Variants in DAB1 observed in about 807,000 individuals in gnomAD.
DAB1 encodes the protein disabled homolog 1.
Under a neutral mutation model 64.6 loss-of-function variants are expected in DAB1, and 15 were observed. That is an observed-to-expected ratio of 0.23 (90% CI 0.16 to 0.36). The LOEUF is 0.36. Among genes scored for constraint, DAB1 ranks in the 10% least tolerant of loss-of-function variants. The pLI is 1.00. For missense variants in DAB1, 596 were observed against 706.7 expected (o/e 0.84, Z 1.78); for synonymous variants, 235 against 251.9 (o/e 0.93, Z 0.64).
intron 6 of DAB1, among the ~76,000 whole-genome samples, chr1:57,722,559 G>A (rs1486376866): frequency 6.6e-6 from 1 of 152,206 alleles, no homozygotes; most frequent in Non-Finnish European, 1.5e-5. Context: ...AGGAATGTGA[G>A]AGTGAAGCCT....
intron 4 of DAB1, among the ~76,000 whole-genome samples, chr1:57,094,126 G>C (rs28527434): frequency 7.0e-6 from 1 of 142,558 alleles, no homozygotes; most frequent in Non-Finnish European, 1.5e-5. Flanking sequence ...AAAAAAAAAA[G>C]GAATCTTGGA....
chr1:57,336,640 T>A (rs985249376), intron 1 of DAB1, among the ~76,000 whole-genome samples: 1 of 152,176 alleles, frequency 6.6e-6, no homozygotes, highest in South Asian at 2.1e-4. Flanking sequence ...ATGCAGGATT[T>A]AAGTAATTTG....
chr1:57,859,899 A>G (rs1032269706), intron 1 of DAB1, among the ~76,000 whole-genome samples: 24 of 152,178 alleles, frequency 1.6e-4, no homozygotes, highest in African/African-American at 5.3e-4. Context: ...TAAACCTCTC[A>G]GTTTTGCTAA....
chr1:58,454,814 G>A (rs1267169858), intron 3 of DAB1, among the ~76,000 whole-genome samples: 1 of 152,078 alleles, frequency 6.6e-6, no homozygotes, highest in African/African-American at 2.4e-5. Flanking sequence ...TCCTTTCTCA[G>A]GAAAGAAAAT....
At chr1:57,082,486 GC>G (rs1652642940) in intron 4 of DAB1, among the ~76,000 whole-genome samples, 1 of 152,108 alleles carries the variant, frequency 6.6e-6, no homozygotes, top group South Asian at 2.1e-4. Context: ...ATACATATTA[GC>G]CAGTATCTTT....
At chr1:57,027,992 T>A (rs1318939675) in intron 9 of DAB1, among the ~76,000 whole-genome samples, 1 of 152,180 alleles carries the variant, frequency 6.6e-6, no homozygotes, top group East Asian at 1.9e-4. Flanking sequence ...GGGGAGGTTA[T>A]CCAATCTGTA....
chr1:58,198,577 C>T (rs1238319701), intron 4 of DAB1, among the ~76,000 whole-genome samples: 2 of 152,178 alleles, frequency 1.3e-5, no homozygotes, highest in Non-Finnish European at 2.9e-5. Flanking sequence ...ATTTTCCTCT[C>T]GTAACCAACC....
At chr1:57,334,606 A>T (rs1041957704) in intron 1 of DAB1, among the ~76,000 whole-genome samples, 2 of 152,246 alleles carry the variant, frequency 1.3e-5, no homozygotes, top group African/African-American at 4.8e-5. Flanking sequence ...CAACCCTGTG[A>T]GGAAGGCGCT....
intron 7 of DAB1, among the ~76,000 whole-genome samples, chr1:57,444,371 C>T (rs1174317572): frequency 2.0e-5 from 3 of 152,122 alleles, no homozygotes; most frequent in East Asian, 3.9e-4. Flanking sequence ...ACAGTTATGT[C>T]TTGGCTTAAT....
chr1:57,452,913 TAAAG>T (rs1237212459), intron 7 of DAB1, among the ~76,000 whole-genome samples: 1 of 104,522 alleles, frequency 9.6e-6, no homozygotes, highest in Non-Finnish European at 2.1e-5. Context: ...AAGGGAAAAA[TAAAG>T]AAAGGAATGA....
intron 4 of DAB1, among the ~76,000 whole-genome samples, chr1:58,226,085 C>G (rs1012793568): frequency 6.6e-6 from 1 of 152,004 alleles, no homozygotes; most frequent in Non-Finnish European, 1.5e-5. Flanking sequence ...GAGCCTGAAC[C>G]ACTCTGGGAT....
intron 1 of DAB1, chr1:57,307,312 T>C (rs927815001): frequency 6.6e-6 from 1 of 152,216 alleles, no homozygotes; most frequent in Non-Finnish European, 1.5e-5. Context: ...TTCTGTACCT[T>C]GTAAATACCA....
intron 2 of DAB1, among the ~76,000 whole-genome samples, chr1:57,188,334 G>A (rs1663798847): frequency 6.6e-6 from 1 of 152,008 alleles, no homozygotes; most frequent in South Asian, 2.1e-4. Context: ...TTTTCATCTT[G>A]AGTCATCATG....
intron 5 of DAB1, among the ~76,000 whole-genome samples, chr1:57,910,011 C>T (rs1287456587): frequency 3.9e-5 from 6 of 152,204 alleles, no homozygotes; most frequent in African/African-American, 9.6e-5. Context: ...CTGCCTGCTA[C>T]AGAGTCTCAT....
intron 6 of DAB1, among the ~76,000 whole-genome samples, chr1:57,795,729 A>C (rs1399108088): frequency 2.6e-5 from 3 of 115,112 alleles, no homozygotes; most frequent in Admixed American, 1.7e-4. Context: ...ATATATATAT[A>C]TATATCATAC....
At chr1:57,848,554 T>G (rs572597603) in intron 1 of DAB1, among the ~76,000 whole-genome samples, 6 of 152,258 alleles carry the variant, frequency 3.9e-5, no homozygotes, top group Admixed American at 2.6e-4. Flanking sequence ...CTTGTGAAGT[T>G]GGGGACAGGG....
At chr1:57,689,895 C>G (rs1277738979) in intron 6 of DAB1, among the ~76,000 whole-genome samples, 2 of 152,080 alleles carry the variant, frequency 1.3e-5, no homozygotes, top group Non-Finnish European at 2.9e-5. Flanking sequence ...CCTGTCTCTC[C>G]CCTTTCCCCC....
intron 6 of DAB1, among the ~76,000 whole-genome samples, chr1:57,658,589 A>G (rs2101665379): frequency 6.6e-6 from 1 of 150,734 alleles, no homozygotes; most frequent in Admixed American, 6.6e-5. Flanking sequence ...TTGAGACACA[A>G]TCTTGATCTA....
At chr1:57,527,108 A>G (rs1159609238) in intron 7 of DAB1, among the ~76,000 whole-genome samples, 2 of 152,144 alleles carry the variant, frequency 1.3e-5, no homozygotes, top group Non-Finnish European at 2.9e-5. Flanking sequence ...GAGAACTCTA[A>G]TCTTAACATA....
Sources: allele counts gnomAD v4.1 joint callset (sites outside exome capture counted in the v4.1 genomes callset), GRCh38; gene constraint gnomAD v4.1.1; transcripts MANE v1.5; gene names NCBI Gene and HGNC (gene_info 2026-07-23, HGNC 2026-07-21).